Variants in TMEM196 observed in about 807,000 individuals in gnomAD.
The protein encoded by TMEM196 is transmembrane protein 196.
In TMEM196, 17 loss-of-function variants were observed where a neutral mutation model predicts 20.0. The ratio of observed to expected loss-of-function variants is 0.85; its 90% CI spans 0.58 to 1.27. The LOEUF (loss-of-function observed/expected upper bound fraction) is 1.27, where lower values mean the gene tolerates loss of function less well. Ranked by LOEUF, TMEM196 falls within the 50% of genes most tolerant of loss-of-function variation. The pLI, the probability that TMEM196 is intolerant of heterozygous loss-of-function variation, is 0.00. For missense variants in TMEM196, 267 were observed against 223.0 expected, an observed-to-expected ratio of 1.20 and a Z score of -1.26; for synonymous variants, 113 against 88.9, an observed-to-expected ratio of 1.27 and a Z score of -1.52.
At chr7:19,753,606 T>C (rs1310330291) in intron 1 of TMEM196, among the ~76,000 whole-genome samples, 1 of 152,164 alleles carries the variant, frequency 6.6e-6, no homozygotes, top group East Asian at 1.9e-4. Flanking sequence ...GCATACACAA[T>C]CCCCCTGCCT....
chr7:19,768,803 C>G (rs970815832), intron 1 of TMEM196, among the ~76,000 whole-genome samples: 1 of 152,084 alleles, frequency 6.6e-6, no homozygotes, highest in Admixed American at 6.5e-5. Context: ...AAATTTATCA[C>G]AGGAAGCATC....
At chr7:19,752,344 G>A (rs573734210) in intron 1 of TMEM196, among the ~76,000 whole-genome samples, 2 of 152,174 alleles carry the variant, frequency 1.3e-5, no homozygotes, top group South Asian at 4.1e-4. Context: ...AAAACTCAAA[G>A]ACACTATTGA....
In TMEM196 at chr7:19,721,971, A is replaced by C. The variant is rs545401987; in HGVS notation, c.*157T>G. 539 of 933,952 alleles carry C rather than the reference A, an allele frequency of 5.8e-4. 2 individuals are homozygous for C. The African/African-American group carries it at 8.6e-3, about 15-fold the overall frequency. The allele number at this position is 933,952 out of a possible 1,614,324, so 57.9% of individuals were successfully genotyped here. A position where few individuals can be genotyped will look rare whatever the true frequency, so the allele number is the denominator to read the frequency against. The stretch of plus-strand genomic sequence containing the variant: ...GGAAGAATAATTTTAGTGGATGCTC[A>C]GGAGAGATAAATGCAAATGCAAAAA... On this transcript the variant is annotated 3_prime_UTR_variant, in exon 5 of 5. Coordinates refer to ENST00000405844, the MANE Select transcript of TMEM196 (RefSeq NM_001363562.2).
intron 1 of TMEM196, among the ~76,000 whole-genome samples, chr7:19,737,254 A>G (rs1784437497): frequency 6.6e-6 from 1 of 152,036 alleles, no homozygotes; most frequent in Non-Finnish European, 1.5e-5. Flanking sequence ...AAATTTAAAC[A>G]ACAGTGAAAT....
chr7:19,742,661 A>C (rs1048406428), intron 1 of TMEM196, among the ~76,000 whole-genome samples: 2 of 152,160 alleles, frequency 1.3e-5, no homozygotes, highest in African/African-American at 4.8e-5. Context: ...GTAGTTTGTG[A>C]GGACTCAGTT....
chr7:19,722,860 G>C (rs967689045), intron 4 of TMEM196, among the ~76,000 whole-genome samples: 4 of 152,094 alleles, frequency 2.6e-5, no homozygotes, highest in Middle Eastern at 6.8e-3. Flanking sequence ...CATATGTTTT[G>C]TTAAATATTA....
chr7:19,734,099 C>A (rs754865598), intron 1 of TMEM196, among the ~76,000 whole-genome samples: 12 of 152,096 alleles, frequency 7.9e-5, no homozygotes, highest in Non-Finnish European at 1.5e-4. Flanking sequence ...AGCACATAAG[C>A]ACAAGGCAAC....
intron 1 of TMEM196, among the ~76,000 whole-genome samples, chr7:19,740,403 T>C (rs940395387): frequency 3.9e-5 from 6 of 152,172 alleles, no homozygotes; most frequent in Non-Finnish European, 7.4e-5. Context: ...GGCAACCTGA[T>C]CAAGGGGACT....
intron 1 of TMEM196, among the ~76,000 whole-genome samples, chr7:19,760,652 C>G (rs1472814276): frequency 6.6e-6 from 1 of 152,128 alleles, no homozygotes; most frequent in African/African-American, 2.4e-5. Flanking sequence ...TGAGCCACTG[C>G]GCCCAGCCTA....
chr7:19,748,966 T>A (rs1180150571), intron 1 of TMEM196, among the ~76,000 whole-genome samples: 1 of 152,226 alleles, frequency 6.6e-6, no homozygotes, highest in Non-Finnish European at 1.5e-5. Context: ...TAACATTTTA[T>A]GCACATTTTA....
At position 19,725,569 on chromosome 7, in the gene TMEM196, C is replaced by T. The variant is rs201182312; in HGVS notation, c.404G>A (p.Arg135Lys). ...TCRLASYEQR[R>K]MFSEREHSLH... ...GGAATGCTCCCTTTCTGAGAACATC[C>T]TCCTCTGTTCATAACTGGCTAGTCG... Residue 135 changes from arginine to lysine, a missense_variant, in exon 3 of 5, where the codon AGG becomes AAG. By Grantham distance (26) the Arg-to-Lys change is conservative. Coordinates refer to ENST00000405844, the MANE Select transcript of TMEM196 (RefSeq NM_001363562.2). 7.4e-6 allele frequency: 12 copies of T among 1,613,968 alleles called. No individual in the cohort carries two copies. The highest frequency in any genetic ancestry group is 1.3e-5 in the African/African-American group (1 of 75,032).
intron 1 of TMEM196, among the ~76,000 whole-genome samples, chr7:19,764,221 C>G (rs1273978328): frequency 9.9e-5 from 15 of 152,204 alleles, no homozygotes. Context: ...TCTCAGAACC[C>G]AGCTGGCATT....
chr7:19,743,287 C>G (rs974137325), intron 1 of TMEM196, among the ~76,000 whole-genome samples: 1 of 152,112 alleles, frequency 6.6e-6, no homozygotes, highest in Non-Finnish European at 1.5e-5. Flanking sequence ...AGAATGGCCT[C>G]TTCAAGAGGT....
chr7:19,748,576 G>A (rs1384544695), intron 1 of TMEM196, among the ~76,000 whole-genome samples: 1 of 152,166 alleles, frequency 6.6e-6, no homozygotes, highest in Non-Finnish European at 1.5e-5. Context: ...CCTCCTCTGT[G>A]TCATGCTCCG....
intron 2 of TMEM196, among the ~76,000 whole-genome samples, chr7:19,729,180 C>T (rs1028297871): frequency 2.6e-5 from 4 of 151,234 alleles, no homozygotes; most frequent in African/African-American, 9.7e-5. Context: ...TTTTTTACAT[C>T]GGTGGGCTTT....
At position 19,744,998 on chromosome 7, in the gene TMEM196, C is replaced by G. The variant is rs535699458; in HGVS notation, c.148-15560G>C. On this transcript the variant is annotated intron_variant, in intron 1 of 4. Transcript: ENST00000405844. The stretch of plus-strand genomic sequence containing the variant: ...CTTATTGTGCCCATTACAGTCATCT[C>G]TCCATATGTGCAGGAGATTGGTTTT... Among the ~76,000 whole-genome samples the G allele has an allele frequency of 2.6e-5, 4 of 152,220 alleles. No individual in the cohort carries two copies. In the South Asian group the frequency reaches 8.3e-4, roughly 32 times the overall value.
At position 19,752,198 on chromosome 7, in the gene TMEM196, G is replaced by T. The variant is rs530199993; in HGVS notation, c.147+20352C>A. ...CTACAATCATTTTGCAATTCAGTGT[G>T]CATGTAGCCAGATGCACAGCAGTTA... is the stretch of plus-strand genomic sequence containing the variant. On this transcript the variant is annotated intron_variant, in intron 1 of 4. Transcript: ENST00000405844. 4.6e-5 allele frequency among the ~76,000 whole-genome samples: 7 copies of T among 152,274 alleles called. No individual in the cohort carries two copies. In the South Asian group the frequency reaches 1.5e-3, roughly 32 times the overall value.
chr7:19,748,488 C>T (rs1053835432), intron 1 of TMEM196, among the ~76,000 whole-genome samples: 9 of 152,052 alleles, frequency 5.9e-5, no homozygotes, highest in Admixed American at 1.3e-4. Context: ...TGATTCTGTC[C>T]GCTTAAACGC....
At chr7:19,728,226 C>A (rs899248658) in intron 2 of TMEM196, among the ~76,000 whole-genome samples, 5 of 150,850 alleles carry the variant, frequency 3.3e-5, no homozygotes, top group Admixed American at 6.6e-5. Flanking sequence ...TTTCTCTTTC[C>A]TTTTGTCATG....
Sources: gnomAD v4.1 joint callset for allele counts (sites outside exome capture counted in the v4.1 genomes callset) on GRCh38, gnomAD v4.1.1 for gene constraint, MANE v1.5 for transcripts, NCBI Gene and HGNC (gene_info 2026-07-23, HGNC 2026-07-21) for gene names.